The following CHD9 variants were observed in gnomAD, a reference collection of about 807,000 sequenced individuals.
CHD9 encodes the protein ATP-dependent chromatin remodeler CHD9.
Under a neutral mutation model 316.1 loss-of-function variants are expected in CHD9, and 77 were observed. That is an observed-to-expected ratio of 0.24 (90% CI 0.20 to 0.29). The LOEUF (loss-of-function observed/expected upper bound fraction) is 0.29. Among genes scored for constraint, CHD9 ranks in the 10% least tolerant of loss-of-function variants. The probability of loss-of-function intolerance (pLI) is 1.00; values close to 1 mark genes in which losing one functional copy is unlikely to be tolerated. For missense variants in CHD9, 2,763 were observed against 3,438.1 expected, an observed-to-expected ratio of 0.80 and a Z score of 4.91; for synonymous variants, 1,129 against 1,158.3, an observed-to-expected ratio of 0.97 and a Z score of 0.51.
chr16:53,093,650 T>A (rs1170261892), intron 1 of CHD9, among the ~76,000 whole-genome samples: 2 of 152,220 alleles, frequency 1.3e-5, no homozygotes, highest in African/African-American at 4.8e-5. Flanking sequence ...TGTCATGTTG[T>A]TCTCACTAAT....
At chr16:53,317,642 C>T (rs370026989) in intron 36 of CHD9, among the ~76,000 whole-genome samples, 8 of 152,170 alleles carry the variant, frequency 5.3e-5, no homozygotes, top group African/African-American at 1.7e-4. Flanking sequence ...TGTAGGCGTA[C>T]ACCACCATGG....
chr16:53,306,979 C>T (rs1300570583), intron 32 of CHD9, among the ~76,000 whole-genome samples: 2 of 152,030 alleles, frequency 1.3e-5, no homozygotes, highest in Non-Finnish European at 2.9e-5. Context: ...AGGGTTTCAC[C>T]ATGTCGGCCA....
intron 26 of CHD9, among the ~76,000 whole-genome samples, chr16:53,287,705 C>T (rs373181762): frequency 2.6e-5 from 4 of 152,126 alleles, no homozygotes; most frequent in Admixed American, 1.3e-4. Context: ...CCGGCCTGGG[C>T]GACAAGAGTG....
At chr16:53,124,644 A>T (rs1266471827) in intron 1 of CHD9, among the ~76,000 whole-genome samples, 1 of 151,578 alleles carries the variant, frequency 6.6e-6, no homozygotes, top group Non-Finnish European at 1.5e-5. Context: ...TGCCCTGATA[A>T]TTTTTTGTAT....
chr16:53,226,340 A>T (rs1212896379), intron 4 of CHD9, 26 bp from the exon 5 acceptor site: 2 of 1,463,114 alleles, frequency 1.4e-6, no homozygotes, highest in Non-Finnish European at 9.1e-7. Flanking sequence ...AAATTATATA[A>T]ATCTGATTCT....
Position 53,146,438 on chromosome 16 carries a change from A to ATATATATATATATATATATATAT in CHD9, c.-164-9487_-164-9486insATATATATATATATATATATATT, listed in dbSNP as rs1567374423. Among the ~76,000 whole-genome samples, 42 of 46,360 alleles carry ATATATATATATATATATATATAT rather than the reference A, an allele frequency of 9.1e-4. 2 individuals carry two copies. Among genetic ancestry groups the ATATATATATATATATATATATAT allele is most frequent in the African/African-American group, 3.6e-3 (39 of 10,876 alleles). 30.4% of individuals were successfully genotyped at this position (46,360 alleles called of 152,430 possible). Reference sequence around the variant, plus strand: ...GTGTATGTATATATATATATATATAATTAAAAAGTTCCAGAGATTGGTGCA... The same window carrying ATATATATATATATATATATATAT: ...GTGTATGTATATATATATATATATAATATATATATATATATATATATATTTAAAAAGTTCCAGAGATTGGTGCA... On this transcript the variant is annotated intron_variant, in intron 1 of 38. Transcript: ENST00000447540.
At chr16:53,180,198 G>C (rs2043393517) in intron 2 of CHD9, among the ~76,000 whole-genome samples, 2 of 151,812 alleles carry the variant, frequency 1.3e-5, no homozygotes, top group Non-Finnish European at 2.9e-5. Context: ...GTGGAGCTGG[G>C]GTTTCACCAT....
At chr16:53,089,942 A>G (rs2035794262) in intron 1 of CHD9, among the ~76,000 whole-genome samples, 1 of 152,226 alleles carries the variant, frequency 6.6e-6, no homozygotes, top group African/African-American at 2.4e-5. Context: ...CCAATCAAAA[A>G]TAAAACAAAA....
intron 2 of CHD9, among the ~76,000 whole-genome samples, chr16:53,197,106 G>A (rs2152839111): frequency 6.6e-6 from 1 of 152,268 alleles, no homozygotes; most frequent in Non-Finnish European, 1.5e-5. Flanking sequence ...AAATAAGGGA[G>A]TAGAAGAGAG....
chr16:53,289,563 T>A (rs2054159634), intron 27 of CHD9, among the ~76,000 whole-genome samples: 1 of 152,236 alleles, frequency 6.6e-6, no homozygotes, highest in South Asian at 2.1e-4. Context: ...TGGATTCGTC[T>A]GGACCAATCA....
intron 18 of CHD9, among the ~76,000 whole-genome samples, chr16:53,255,019 T>TG (rs1479141759): frequency 6.6e-6 from 1 of 152,116 alleles, no homozygotes; most frequent in Non-Finnish European, 1.5e-5. Flanking sequence ...GGTAATAGGA[T>TG]CCTAGTACTG....
chr16:53,078,050 G>A (rs1040725890), intron 1 of CHD9, among the ~76,000 whole-genome samples: 3 of 151,902 alleles, frequency 2.0e-5, no homozygotes, highest in African/African-American at 7.3e-5. Context: ...CTCCGGCATG[G>A]GCAACAAAAT....
rs756818984 is a variant in CHD9 at position 53,209,580 on chromosome 16, G to A, written c.1551G>A (p.Val517=). 1.2e-6 allele frequency: 2 copies of A among 1,613,782 alleles called. No individual in the cohort carries two copies. The highest frequency in any genetic ancestry group is 2.7e-5 in the African/African-American group (2 of 75,016). ...CTGAGAAGAAGCAGAGAAAAAAGGT[G>A]GAATCAGAAAGCAAGCAAGAAAAGG... ...VMSEKKQRKK[V]ESESKQEKAN... The change falls in exon 3 of 39, where the codon GTG becomes GTA. Residue 517 remains valine (V), a synonymous_variant. Transcript: ENST00000447540.
chr16:53,115,125 C>T (rs2038192189), intron 1 of CHD9, among the ~76,000 whole-genome samples: 1 of 152,112 alleles, frequency 6.6e-6, no homozygotes, highest in Non-Finnish European at 1.5e-5. Flanking sequence ...GTTGATTTTT[C>T]ATCTGGTTTG....
chr16:53,260,190 A>T (rs2050963659), intron 19 of CHD9, among the ~76,000 whole-genome samples: 1 of 152,178 alleles, frequency 6.6e-6, no homozygotes, highest in Non-Finnish European at 1.5e-5. Context: ...TTCAAGTTGG[A>T]TATGAAGGTC....
At chr16:53,106,618 A>T (rs1191185825) in intron 1 of CHD9, among the ~76,000 whole-genome samples, 2 of 151,690 alleles carry the variant, frequency 1.3e-5, no homozygotes, top group African/African-American at 4.9e-5. Flanking sequence ...AAAGGTTCAT[A>T]ATCTAGTTAA....
At chr16:53,230,455 A>AT (rs1337970209) in intron 8 of CHD9, among the ~76,000 whole-genome samples, 3 of 151,864 alleles carry the variant, frequency 2.0e-5, no homozygotes, top group African/African-American at 4.8e-5. Context: ...CTCCATCTCT[A>AT]TTTTTTTTAA....
At chr16:53,290,875 CAAG>C (rs758807883) in intron 27 of CHD9, among the ~76,000 whole-genome samples, 168 of 152,232 alleles carry the variant, frequency 1.1e-3, no homozygotes, top group Non-Finnish European at 1.9e-3. Flanking sequence ...AATTTAGAAA[CAAG>C]GAGGATAGCA....
intron 1 of CHD9, among the ~76,000 whole-genome samples, chr16:53,060,920 CTTTTTTTTT>C (rs549828992): frequency 1.0e-5 from 1 of 99,414 alleles, no homozygotes; most frequent in Non-Finnish European, 2.0e-5. Flanking sequence ...GATGTTGTCT[CTTTTTTTTT>C]TTTTTTTTTT....
Sources: allele counts gnomAD v4.1 joint callset (sites outside exome capture counted in the v4.1 genomes callset), GRCh38; gene constraint gnomAD v4.1.1; transcripts MANE v1.5; gene names NCBI Gene and HGNC (gene_info 2026-07-23, HGNC 2026-07-21).